The following C3orf20 variants were observed in gnomAD, a reference collection of about 807,000 sequenced individuals.
C3orf20 encodes the protein family with sequence similarity 149 member C.
A neutral mutation model predicts 88.3 loss-of-function variants in C3orf20; 76 were observed. The observed-to-expected ratio is 0.86, with a 90% CI of 0.72 to 1.04. C3orf20 has a LOEUF of 1.04. Among genes scored for constraint, C3orf20 ranks in the 50% least tolerant of loss-of-function variants. The pLI, the probability that C3orf20 is intolerant of heterozygous loss-of-function variation, is 0.00. For missense variants in C3orf20, 1,056 were observed against 1,123.3 expected, an observed-to-expected ratio of 0.94 and a Z score of 0.86; for synonymous variants, 436 against 437.4, an observed-to-expected ratio of 1.00 and a Z score of 0.04.
intron 5 of C3orf20, among the ~76,000 whole-genome samples, chr3:14,690,794 A>G (rs1409533608): frequency 6.6e-6 from 1 of 152,206 alleles, no homozygotes; most frequent in Non-Finnish European, 1.5e-5. Context: ...TTGTGGGGAC[A>G]GGGTAGGTAG....
intron 7 of C3orf20, among the ~76,000 whole-genome samples, chr3:14,707,654 A>G (rs2033571432): frequency 6.6e-6 from 1 of 152,086 alleles, no homozygotes. Context: ...CTATACTGTC[A>G]TATGCCTTTT....
Position 14,682,891 on chromosome 3 carries a change from G to C in C3orf20, c.178G>C (p.Val60Leu). The C allele has an allele frequency of 6.2e-7, 1 of 1,614,188 alleles. No homozygotes were observed. The highest frequency in any genetic ancestry group is 8.5e-7 in the Non-Finnish European group (1 of 1,180,018). Residue 60 changes from valine to leucine, a missense_variant, in exon 3 of 17, where the codon GTG (valine) becomes CTG (leucine). Val to Leu is a conservative substitution (Grantham distance 32). Coordinates refer to ENST00000253697, the MANE Select transcript of C3orf20 (RefSeq NM_032137.5). ...TWEELISDPSVPTPSDILGLE... is the reference protein window; with the variant it reads ...TWEELISDPSLPTPSDILGLE... ...GGAAGAGCTCATCAGTGACCCTTCA[G>C]TGCCTACCCCGTCCGACATCTTGGG... is the stretch of plus-strand genomic sequence containing the variant.
Position 14,732,561 on chromosome 3 carries a change from CTCAACCAGAGATGAGTTTG to C in C3orf20, c.1940+3874_1940+3892del, listed in dbSNP as rs532217154. On this transcript the variant is annotated intron_variant, in intron 12 of 16. Transcript: ENST00000253697. ...AAACCCTTTGTTTAACCCAGTGTTT[CTCAACCAGAGATGAGTTTG>C]CCCCCCAAGGGATATTTGACAATAT... is the stretch of plus-strand genomic sequence containing the variant. Among the ~76,000 whole-genome samples, 151 of 152,290 alleles carry C rather than the reference CTCAACCAGAGATGAGTTTG, an allele frequency of 9.9e-4. 1 individual carries two copies. Among genetic ancestry groups the C allele is most frequent in the African/African-American group, 3.3e-3 (136 of 41,550 alleles).
intron 12 of C3orf20, among the ~76,000 whole-genome samples, chr3:14,734,455 G>A (rs993136383): frequency 4.0e-5 from 6 of 151,856 alleles, no homozygotes; most frequent in Admixed American, 6.6e-5. Flanking sequence ...TTCTTGTCCC[G>A]TTGGATATTT....
chr3:14,739,416 T>C (rs1324822178), intron 12 of C3orf20, among the ~76,000 whole-genome samples: 1 of 152,240 alleles, frequency 6.6e-6, no homozygotes, highest in Non-Finnish European at 1.5e-5. Flanking sequence ...AAATATTCAG[T>C]ATACTATTCT....
rs137950367 is a variant in C3orf20 at position 14,751,007 on chromosome 3, C to T, written c.1941-6364C>T. ...TTCTTCATTCTTTTTTCTTTCTACT[C>T]CTCAAACTAAATAATCTTAATTATC... On this transcript the variant is annotated intron_variant, in intron 12 of 16. Coordinates refer to ENST00000253697, the MANE Select transcript of C3orf20 (RefSeq NM_032137.5). Among the ~76,000 whole-genome samples the T allele has an allele frequency of 9.7e-4, 148 of 152,258 alleles. 1 individual carries two copies. The highest frequency in any genetic ancestry group is 3.3e-3 in the African/African-American group (138 of 41,546).
chr3:14,737,355 G>A (rs1193278400), intron 12 of C3orf20, among the ~76,000 whole-genome samples: 1 of 151,878 alleles, frequency 6.6e-6, no homozygotes, highest in Non-Finnish European at 1.5e-5. Context: ...GGCATACCTT[G>A]GAAATATTGT....
At position 14,757,579 on chromosome 3, in the gene C3orf20, T is replaced by TC. The variant is rs747268838; in HGVS notation, c.2150dup (p.Ser718LysfsTer35). ...CCAAGTGCTGGTGTTTGGGATCATC[T>TC]CAAGCCAGAACTACACCAGCACTGG... On this transcript the variant is annotated frameshift_variant, in exon 13 of 17. Transcript: ENST00000253697. LOFTEE classifies it high-confidence loss of function. 5 of 1,613,758 alleles carry TC rather than the reference T, an allele frequency of 3.1e-6. No homozygotes were observed. Among genetic ancestry groups the TC allele is most frequent in the Non-Finnish European group, 4.2e-6 (5 of 1,179,966 alleles).
chr3:14,714,574 T>C (rs1248887008), intron 8 of C3orf20, among the ~76,000 whole-genome samples: 1 of 152,194 alleles, frequency 6.6e-6, no homozygotes, highest in Admixed American at 6.5e-5. Flanking sequence ...AAGGTTGATA[T>C]TGTCTGGCTT....
intron 12 of C3orf20, among the ~76,000 whole-genome samples, chr3:14,735,938 A>T (rs1266617587): frequency 6.6e-6 from 1 of 152,128 alleles, no homozygotes; most frequent in African/African-American, 2.4e-5. Context: ...ATTTGCCCAC[A>T]TATTTACTTT....
intron 12 of C3orf20, among the ~76,000 whole-genome samples, chr3:14,729,554 T>C (rs2034468971): frequency 6.6e-6 from 1 of 152,114 alleles, no homozygotes; most frequent in African/African-American, 2.4e-5. Flanking sequence ...GATTTATCTT[T>C]GTTTTTTTTT....
Position 14,685,332 on chromosome 3 carries a change from A to C in C3orf20, c.625+950A>C, listed in dbSNP as rs79363782. On this transcript the variant is annotated intron_variant, in intron 4 of 16. Transcript: ENST00000253697. ...ACAAGTATAAAAGCATGAAGGGGGA[A>C]ATTCGAGGAAGTGATCTCTGGGGAG... is the stretch of plus-strand genomic sequence containing the variant. Among the ~76,000 whole-genome samples the C allele has an allele frequency of 3.0e-3, 459 of 152,272 alleles. 16 individuals are homozygous for C. In the East Asian group the frequency reaches 0.074, roughly 24 times the overall value.
At chr3:14,738,248 A>G (rs1575141088) in intron 12 of C3orf20, among the ~76,000 whole-genome samples, 1 of 147,840 alleles carries the variant, frequency 6.8e-6, no homozygotes, top group African/African-American at 2.5e-5. Flanking sequence ...GCTCACTGCA[A>G]CCTCTGCCCC....
intron 12 of C3orf20, among the ~76,000 whole-genome samples, chr3:14,742,123 T>C (rs959524066): frequency 2.0e-5 from 3 of 152,212 alleles, no homozygotes; most frequent in African/African-American, 7.2e-5. Flanking sequence ...TCTATTAAGT[T>C]GGTGCAAAAG....
intron 12 of C3orf20, among the ~76,000 whole-genome samples, chr3:14,738,901 C>G (rs533971644): frequency 1.9e-4 from 29 of 150,768 alleles, no homozygotes; most frequent in Middle Eastern, 6.8e-3. Context: ...GGTGATCCAC[C>G]CACCTCAGCC....
At chr3:14,715,460 G>A in intron 9 of C3orf20, 51 bp downstream of exon 9, 2 of 1,578,476 alleles carry the variant, frequency 1.3e-6, no homozygotes, top group East Asian at 2.3e-5. Flanking sequence ...CTGTCACAGG[G>A]AGGGTCTGGG....
intron 14 of C3orf20, 142 bp from the exon 15 acceptor site, chr3:14,761,331 C>A: frequency 1.0e-6 from 1 of 959,140 alleles, no homozygotes; most frequent in Non-Finnish European, 1.6e-6. Context: ...CCTTCCCCAG[C>A]CACCCCAGGC....
Position 14,684,345 on chromosome 3 carries a change from C to T in C3orf20, c.588C>T (p.Ala196=), listed in dbSNP as rs375504473. 4.5e-5 allele frequency: 72 copies of T among 1,613,976 alleles called. No individual in the cohort carries two copies. Among genetic ancestry groups the T allele is most frequent in the Middle Eastern group, 1.6e-4 (1 of 6,084 alleles). ...EMAFNCLIST[A]GRSGYSSGQL... ...CCTTCAACTGCCTGATCAGCACAGC[C>T]GGGAGAAGTGGCTACAGCAGCGGAC... The change falls in exon 4 of 17, where the codon GCC becomes GCT. Residue 196 remains alanine (A), a synonymous_variant. Coordinates refer to ENST00000253697, the MANE Select transcript of C3orf20 (RefSeq NM_032137.5).
At chr3:14,687,854 G>C (rs1413130464) in intron 4 of C3orf20, among the ~76,000 whole-genome samples, 1 of 152,142 alleles carries the variant, frequency 6.6e-6, no homozygotes, top group Non-Finnish European at 1.5e-5. Context: ...GCTGAGCTGG[G>C]GGCAGGGGGC....
Sources: gnomAD v4.1 joint callset for allele counts (sites outside exome capture counted in the v4.1 genomes callset) on GRCh38, gnomAD v4.1.1 for gene constraint, MANE v1.5 for transcripts, NCBI Gene and HGNC (gene_info 2026-07-23, HGNC 2026-07-21) for gene names.